Variants in DOP1B observed in about 807,000 individuals in gnomAD.
DOP1B encodes the protein protein DOP1B.
A neutral mutation model predicts 233.5 loss-of-function variants in DOP1B; 174 were observed. The ratio of observed to expected loss-of-function variants is 0.75; its 90% CI spans 0.66 to 0.85. DOP1B has a LOEUF of 0.85. DOP1B is among the 40% of genes least tolerant of loss of function. DOP1B has a pLI of 0.00. For missense variants in DOP1B, 2,652 were observed against 2,846.6 expected (o/e 0.93, Z 1.56); for synonymous variants, 1,190 against 1,185.6 (o/e 1.00, Z -0.08).
intron 4 of DOP1B, among the ~76,000 whole-genome samples, chr21:36,207,336 C>T (rs2066438707): frequency 6.6e-6 from 1 of 151,934 alleles, no homozygotes; most frequent in African/African-American, 2.4e-5. Flanking sequence ...AGGCACCTGC[C>T]ATCATGCCTG....
chr21:36,270,581 A>T (rs2067277277), intron 27 of DOP1B, among the ~76,000 whole-genome samples: 2 of 140,542 alleles, frequency 1.4e-5, no homozygotes, highest in African/African-American at 2.6e-5. Flanking sequence ...AAAAAAAAGT[A>T]TTTAGAGCAG....
At chr21:36,243,878 G>A (rs2066922105) in intron 18 of DOP1B, among the ~76,000 whole-genome samples, 1 of 151,794 alleles carries the variant, frequency 6.6e-6, no homozygotes, top group Non-Finnish European at 1.5e-5. Context: ...TTTCCATGTT[G>A]CCCAGGCTGG....
At chr21:36,215,549 C>T (rs1569026442) in intron 9 of DOP1B, among the ~76,000 whole-genome samples, 1 of 151,868 alleles carries the variant, frequency 6.6e-6, no homozygotes, top group Non-Finnish European at 1.5e-5. Context: ...GGATTACAGG[C>T]ATGTGCCACC....
chr21:36,291,825 C>T (rs2067563100), intron 35 of DOP1B, among the ~76,000 whole-genome samples: 1 of 152,026 alleles, frequency 6.6e-6, no homozygotes, highest in African/African-American at 2.4e-5. Context: ...TATGGAATGT[C>T]CACGATGAGA....
At chr21:36,283,586 G>C (rs2067444038) in intron 32 of DOP1B, among the ~76,000 whole-genome samples, 1 of 152,178 alleles carries the variant, frequency 6.6e-6, no homozygotes, top group South Asian at 2.1e-4. Context: ...CAGTTGGCGT[G>C]CCTTGCTTGA....
chr21:36,258,875 G>A (rs2835330), intron 23 of DOP1B, among the ~76,000 whole-genome samples: 38,279 of 151,902 alleles, frequency 0.25, 5,248 homozygotes, highest in Admixed American at 0.31. Flanking sequence ...GGCTTCGAAT[G>A]TAAAAGGACC....
At position 36,248,411 on chromosome 21, in the gene DOP1B, G is replaced by A; in HGVS notation, c.4841G>A (p.Arg1614Lys). 3.1e-6 allele frequency: 5 copies of A among 1,613,948 alleles called. No homozygotes were observed. The highest frequency in any genetic ancestry group is 3.4e-6 in the Non-Finnish European group (4 of 1,179,946). ...GCTGCAGGTGATCCTGCCAACTTGA[G>A]GAATGCCAGAAATGCCATTTTGGAA... ...TMAAGDPANL[R>K]NARNAILEEL... Residue 1614 changes from arginine to lysine, a missense_variant, in exon 21 of 37, where the codon AGG (arginine) becomes AAG (lysine). By Grantham distance (26) the Arg-to-Lys change is conservative. Transcript: ENST00000691173.
chr21:36,239,795 C>G lies in DOP1B; in HGVS notation c.2907C>G (p.Ala969=). The G allele has an allele frequency of 6.4e-7, 1 of 1,555,990 alleles. No individual in the cohort carries two copies. Among genetic ancestry groups the G allele is most frequent in the Non-Finnish European group, 8.7e-7 (1 of 1,150,558 alleles). ...RSLFVVLDSL[A]CTDGAIGAAA... ...TGTTTGTCGTGCTGGACAGCCTGGC[C>G]TGCACGGATGGTGCCATCGGTGCGG... is the stretch of plus-strand genomic sequence containing the variant. Residue 969 remains alanine, a synonymous_variant, in exon 18 of 37, where the codon GCC becomes GCG. Transcript: ENST00000691173.
At position 36,230,338 on chromosome 21, in the gene DOP1B, T is replaced by C. The variant is rs189173727; in HGVS notation, c.1666-112T>C. The C allele has an allele frequency of 1.1e-3, 1,461 of 1,271,498 alleles. 25 individuals carry two copies. The Admixed American group carries it at 0.035, about 31-fold the overall frequency. 78.8% of individuals were successfully genotyped at this position (1,271,498 alleles called of 1,614,324 possible). ...CACTTAACACAGGGATTCTCTAGTC[T>C]GGAGAGTGATGATTTTGAAAAACAG... On this transcript the variant is annotated intron_variant, in intron 13 of 36. Coordinates refer to ENST00000691173, the MANE Select transcript of DOP1B (RefSeq NM_001320714.2).
chr21:36,172,604 C>A (rs9680108), intron 2 of DOP1B, among the ~76,000 whole-genome samples: 56,535 of 151,628 alleles, frequency 0.37, 10,670 homozygotes, highest in South Asian at 0.5. Flanking sequence ...CTCTCCAAAA[C>A]TACAAAAATT....
intron 9 of DOP1B, among the ~76,000 whole-genome samples, chr21:36,216,267 C>A (rs574748777): frequency 1.8e-4 from 15 of 81,562 alleles, no homozygotes; most frequent in African/African-American, 7.7e-4. Context: ...GCCGAGATTG[C>A]GCCACTGCAC....
intron 4 of DOP1B, among the ~76,000 whole-genome samples, chr21:36,207,348 C>A (rs2066438845): frequency 6.6e-6 from 1 of 151,938 alleles, no homozygotes; most frequent in Non-Finnish European, 1.5e-5. Context: ...TCATGCCTGG[C>A]TAATTTTTGC....
chr21:36,169,926 C>T (rs182378210), intron 2 of DOP1B: 36 of 771,892 alleles, frequency 4.7e-5, no homozygotes, highest in Admixed American at 1.0e-4. Flanking sequence ...TGCCCACAAC[C>T]ACCATAGGTG....
chr21:36,200,457 G>T lies in DOP1B; in HGVS notation c.447G>T (p.Val149=). ...TGCCCAGTCTGCAGGCCTTCATCGT[G>T]GGCCTGCTGCCCGGCCTTGAAGAGG... is the stretch of plus-strand genomic sequence containing the variant. ...LLLPSLQAFI[V]GLLPGLEEGS... is the part of the protein sequence containing the mutation. The change falls in exon 4 of 37, where the codon GTG becomes GTT. Residue 149 remains valine (V), a synonymous_variant. Coordinates refer to ENST00000691173, the MANE Select transcript of DOP1B (RefSeq NM_001320714.2). The T allele has an allele frequency of 6.2e-7, 1 of 1,612,788 alleles. No homozygotes were observed. The highest frequency in any genetic ancestry group is 8.5e-7 in the Non-Finnish European group (1 of 1,179,912).
At chr21:36,257,683 TGTAG>T (rs1408087052) in intron 23 of DOP1B, among the ~76,000 whole-genome samples, 25 of 150,320 alleles carry the variant, frequency 1.7e-4, no homozygotes, top group Non-Finnish European at 2.8e-4. Flanking sequence ...GGTAGGTAGA[TGTAG>T]GTAGGTAGGT....
Position 36,230,751 on chromosome 21 carries a change from C to T in DOP1B, c.1967C>T (p.Ser656Phe). ...ACAGCGTCAGGAGAAGAAAGCAAGT[C>T]CGAGGAGCCTGCAGGGAAGAGGGAC... ...QLTASGEESK[S>F]EEPAGKRDRD... Residue 656 changes from serine to phenylalanine, a missense_variant, in exon 14 of 37, where the codon TCC (serine) becomes TTC (phenylalanine). Physicochemically the swap from Ser to Phe is radical, Grantham distance 155. Around this residue, in one of 3 missense-constraint regions of DOP1B, gnomAD observed 2,617 missense variants for 2,794.3 expected, o/e 0.94. Coordinates refer to ENST00000691173, the MANE Select transcript of DOP1B (RefSeq NM_001320714.2). The T allele has an allele frequency of 6.2e-7, 1 of 1,614,178 alleles. No individual in the cohort carries two copies. The highest frequency in any genetic ancestry group is 1.1e-5 in the South Asian group (1 of 91,076).
chr21:36,269,963 A>G, intron 26 of DOP1B, 50 bp from the exon 27 acceptor site: 1 of 1,600,408 alleles, frequency 6.2e-7, no homozygotes, highest in African/African-American at 1.3e-5. Context: ...GGCACTTAAC[A>G]TTCTTTTCCT....
At chr21:36,279,407 G>A (rs2067390066) in intron 30 of DOP1B, among the ~76,000 whole-genome samples, 3 of 152,136 alleles carry the variant, frequency 2.0e-5, no homozygotes, top group African/African-American at 4.8e-5. Context: ...GACAGCACAC[G>A]ACCCTGGGCC....
At chr21:36,253,637 CAAAAA>C in intron 22 of DOP1B, 130 bp from the exon 23 acceptor site, 6 of 794,252 alleles carry the variant, frequency 7.6e-6, no homozygotes, top group East Asian at 3.3e-5. Context: ...GACCGTGTTT[CAAAAA>C]AAAAAAAAAA....
Sources: gnomAD v4.1 joint callset for allele counts (sites outside exome capture counted in the v4.1 genomes callset) on GRCh38, gnomAD v4.1.1 for gene constraint, gnomAD v4.1.1 regional missense constraint, MANE v1.5 for transcripts, NCBI Gene and HGNC (gene_info 2026-07-23, HGNC 2026-07-21) for gene names.